The following TPST1 variants were observed in gnomAD, a reference collection of about 807,000 sequenced individuals.
The protein encoded by TPST1 is protein-tyrosine sulfotransferase 1.
Under a neutral mutation model 34.8 loss-of-function variants are expected in TPST1, and 20 were observed. The observed-to-expected ratio is 0.57, with a 90% CI of 0.40 to 0.84. The LOEUF is 0.84. TPST1 is among the 40% of genes least tolerant of loss of function. TPST1 has a pLI of 0.00. For synonymous variants in TPST1, 152 were observed against 159.4 expected, an observed-to-expected ratio of 0.95 and a Z score of 0.35; for missense variants, 353 against 455.5, an observed-to-expected ratio of 0.78 and a Z score of 2.05.
At chr7:66,335,247 G>A (rs1362667815) in intron 3 of TPST1, among the ~76,000 whole-genome samples, 2 of 152,206 alleles carry the variant, frequency 1.3e-5, no homozygotes, top group Non-Finnish European at 2.9e-5. Context: ...TTTGAGCCCA[G>A]GAGTTCAAGA....
chr7:66,229,718 A>G (rs544316389), intron 1 of TPST1, among the ~76,000 whole-genome samples: 59 of 152,278 alleles, frequency 3.9e-4, no homozygotes, highest in Middle Eastern at 3.4e-3. Flanking sequence ...TTCACAGTAG[A>G]TATATCTATC....
At chr7:66,330,343 C>G (rs534087742) in intron 3 of TPST1, among the ~76,000 whole-genome samples, 1 of 152,242 alleles carries the variant, frequency 6.6e-6, no homozygotes, top group Admixed American at 6.5e-5. Context: ...GAAATGTGAG[C>G]TTGCCACACT....
chr7:66,217,842 G>T (rs1020903466), intron 1 of TPST1, among the ~76,000 whole-genome samples: 2 of 151,220 alleles, frequency 1.3e-5, no homozygotes, highest in African/African-American at 4.9e-5. Context: ...CCTCGGCCTC[G>T]CAGAGTGCTG....
intron 4 of TPST1, among the ~76,000 whole-genome samples, chr7:66,354,754 A>G (rs1792550451): frequency 6.6e-6 from 1 of 152,184 alleles, no homozygotes; most frequent in Non-Finnish European, 1.5e-5. Context: ...TAATCCCAGC[A>G]CTTTGGGAGG....
chr7:66,307,825 C>T (rs1270189017), intron 3 of TPST1, among the ~76,000 whole-genome samples: 1 of 152,204 alleles, frequency 6.6e-6, no homozygotes, highest in African/African-American at 2.4e-5. Flanking sequence ...GCAAGGGAAA[C>T]AGTGGCTGAT....
intron 1 of TPST1, among the ~76,000 whole-genome samples, chr7:66,221,802 C>T (rs1404595454): frequency 1.3e-5 from 2 of 152,030 alleles, no homozygotes; most frequent in Non-Finnish European, 2.9e-5. Flanking sequence ...AGTATTCTAA[C>T]AGTTAATATC....
At chr7:66,241,353 T>C (rs1411944125) in intron 2 of TPST1, 83 bp downstream of exon 2, 1 of 1,472,746 alleles carries the variant, frequency 6.8e-7, no homozygotes, top group Non-Finnish European at 9.1e-7. Context: ...GTTTTATGTA[T>C]ATATGTGTGT....
intron 2 of TPST1, among the ~76,000 whole-genome samples, chr7:66,276,556 A>G (rs1284195448): frequency 6.6e-6 from 1 of 151,230 alleles, no homozygotes; most frequent in Admixed American, 6.6e-5. Flanking sequence ...TCTATTTTCA[A>G]TTAGTTTAAA....
At chr7:66,302,287 C>T (rs77978395) in intron 3 of TPST1, among the ~76,000 whole-genome samples, 2,035 of 152,150 alleles carry the variant, frequency 0.013, 56 homozygotes, top group African/African-American at 0.046. Flanking sequence ...ATCATTTAGA[C>T]GAGGGGTTCA....
intron 5 of TPST1, among the ~76,000 whole-genome samples, chr7:66,358,729 C>A (rs80276687): frequency 6.6e-6 from 1 of 152,178 alleles, no homozygotes. Context: ...CCCTGTGGGT[C>A]TGCATATTTA....
chr7:66,206,311 C>T (rs888537862), intron 1 of TPST1, among the ~76,000 whole-genome samples: 2 of 152,098 alleles, frequency 1.3e-5, no homozygotes. Context: ...CACCCCATAA[C>T]ATGTAAAGTC....
chr7:66,303,433 G>A (rs1464596565), intron 3 of TPST1, among the ~76,000 whole-genome samples: 4 of 151,520 alleles, frequency 2.6e-5, no homozygotes, highest in African/African-American at 7.3e-5. Flanking sequence ...ATTTTGAAAC[G>A]GAGTCTCATT....
At chr7:66,229,850 A>G (rs771268892) in intron 1 of TPST1, among the ~76,000 whole-genome samples, 1 of 152,118 alleles carries the variant, frequency 6.6e-6, no homozygotes, top group Non-Finnish European at 1.5e-5. Context: ...AGTATTATTG[A>G]GATAAAATCC....
chr7:66,330,300 G>A (rs1178757840), intron 3 of TPST1, among the ~76,000 whole-genome samples: 2 of 152,102 alleles, frequency 1.3e-5, no homozygotes, highest in African/African-American at 4.8e-5. Flanking sequence ...GGTAGAGAAG[G>A]GGCTCTGAAG....
chr7:66,278,914 G>T (rs1265757867), intron 2 of TPST1, among the ~76,000 whole-genome samples: 2 of 152,090 alleles, frequency 1.3e-5, no homozygotes, highest in Non-Finnish European at 2.9e-5. Context: ...CATATAACAT[G>T]CATTTAGAAC....
At chr7:66,301,589 G>C (rs1174832910) in intron 3 of TPST1, among the ~76,000 whole-genome samples, 1 of 152,164 alleles carries the variant, frequency 6.6e-6, no homozygotes, top group Non-Finnish European at 1.5e-5. Context: ...GACACTTAGA[G>C]CCCATTGTTG....
At chr7:66,253,593 T>A (rs910366485) in intron 2 of TPST1, among the ~76,000 whole-genome samples, 2 of 151,398 alleles carry the variant, frequency 1.3e-5, no homozygotes, top group Non-Finnish European at 3.0e-5. Context: ...GGATGGTCTC[T>A]CTCTCCTGAC....
chr7:66,252,986 G>T (rs910124756), intron 2 of TPST1, among the ~76,000 whole-genome samples: 14 of 152,206 alleles, frequency 9.2e-5, no homozygotes, highest in African/African-American at 3.1e-4. Flanking sequence ...CAGTACTTTG[G>T]ATCCATGGGT....
intron 2 of TPST1, among the ~76,000 whole-genome samples, chr7:66,268,986 TA>T (rs2115783692): frequency 6.6e-6 from 1 of 152,326 alleles, no homozygotes; most frequent in South Asian, 2.1e-4. Flanking sequence ...GCCCGGCCTA[TA>T]AAAGACATTT....
Sources: allele counts gnomAD v4.1 joint callset (sites outside exome capture counted in the v4.1 genomes callset), GRCh38; gene constraint gnomAD v4.1.1; transcripts MANE v1.5; gene names NCBI Gene and HGNC (gene_info 2026-07-23, HGNC 2026-07-21).